BEST1: variants seen among roughly 807,000 people sequenced by gnomAD.
BEST1 encodes the protein bestrophin 1, also known as bestrophin-1.
In BEST1, 58 loss-of-function variants were observed where a neutral mutation model predicts 63.3. The ratio of observed to expected loss-of-function variants is 0.92; its 90% confidence interval spans 0.74 to 1.14. BEST1 has a LOEUF of 1.14. Ranked by LOEUF, BEST1 falls within the 50% of genes most tolerant of loss-of-function variation. The pLI is 0.00. For missense variants in BEST1, 671 were observed against 740.1 expected, an observed-to-expected ratio of 0.91 and a Z score of 1.08; for synonymous variants, 283 against 291.6, an observed-to-expected ratio of 0.97 and a Z score of 0.30.
At chr11:61,959,616 C>G (rs1297943826) in intron 8 of BEST1, 38 bp downstream of exon 8, 2 of 1,608,642 alleles carry the variant, frequency 1.2e-6, no homozygotes, top group African/African-American at 2.7e-5. Flanking sequence ...CATGGACCTT[C>G]CCCAAAGTGG....
chr11:61,965,320 G>A (rs375217149), downstream of BEST1: 9 of 1,610,710 alleles, frequency 5.6e-6, no homozygotes, highest in Middle Eastern at 2.0e-4. Flanking sequence ...TCTGATACCC[G>A]AACACTGCCA....
chr11:61,951,691 A>C (rs1041683933), intron 1 of BEST1, 80 bp from the exon 2 acceptor site: 8 of 1,434,886 alleles, frequency 5.6e-6, no homozygotes, highest in South Asian at 1.2e-5. Flanking sequence ...GTTGAGGTCC[A>C]GAGCAGGGAA....
chr11:61,949,987 T>A (rs937719285), upstream of BEST1: 1 of 152,572 alleles, frequency 6.6e-6, no homozygotes, highest in East Asian at 1.9e-4. Flanking sequence ...CAGAGGCTCC[T>A]CCTTCCTGGA....
At chr11:61,956,188 A>G (rs1941332679) in intron 4 of BEST1, among the ~76,000 whole-genome samples, 1 of 152,010 alleles carries the variant, frequency 6.6e-6, no homozygotes, top group Non-Finnish European at 1.5e-5. Context: ...GGCAGGGCTA[A>G]GGACCCTTGA....
At chr11:61,964,531 T>C, downstream of BEST1, 5 of 676,096 alleles carry the variant, frequency 7.4e-6, 1 homozygote, top group South Asian at 9.2e-5. Context: ...CTGGATAGAT[T>C]TCTGATTCAT....
At chr11:61,951,688 T>G (rs575323697) in intron 1 of BEST1, 83 bp from the exon 2 acceptor site, 18 of 1,409,364 alleles carry the variant, frequency 1.3e-5, no homozygotes, top group African/African-American at 2.8e-5. Context: ...AGAGTTGAGG[T>G]CCAGAGCAGG....
intron 9 of BEST1, chr11:61,960,358 G>A: frequency 2.2e-6 from 1 of 463,878 alleles, no homozygotes; most frequent in Non-Finnish European, 3.9e-6. Context: ...CCTGGCTCTT[G>A]TCATCCAGAA....
rs771644153 is a variant in BEST1, at chr11:61,964,147, G to A, written c.*25G>A. 6.3e-5 allele frequency: 102 copies of A among 1,612,866 alleles called. No individual in the cohort carries two copies. The highest frequency in any genetic ancestry group is 3.3e-4 in the Middle Eastern group (2 of 6,080). On this transcript the variant is annotated 3_prime_UTR_variant, in exon 11 of 11. Transcript: ENST00000378043. ...ACCTGCTTCCTAATGGGGATGCTTC[G>A]CCAGCCAGGTCCTCACCTGTGTGTA... is the stretch of plus-strand genomic sequence containing the variant.
intron 3 of BEST1, 76 bp from the exon 4 acceptor site, chr11:61,955,642 C>T (rs1442453798): frequency 2.1e-6 from 3 of 1,432,848 alleles, no homozygotes; most frequent in East Asian, 2.5e-5. Context: ...GGAGCCGAGG[C>T]ATCGCCGGGC....
chr11:61,957,450 C>T lies in BEST1; in HGVS notation c.700C>T (p.Leu234=). The change falls in exon 6 of 11, where the codon CTG becomes TTG. Residue 234 remains leucine, a synonymous_variant. Transcript: ENST00000378043. ...LYAYDWISIP[L]VYTQVVTVAV... is the part of the protein sequence containing the mutation. The stretch of plus-strand genomic sequence containing the variant: ...TGCCTACGACTGGATTAGTATCCCA[C>T]TGGTGTATACACAGGTGAGGACTAG... The T allele has an allele frequency of 6.2e-7, 1 of 1,614,102 alleles. No individual in the cohort carries two copies. The highest frequency in any genetic ancestry group is 8.5e-7 in the Non-Finnish European group (1 of 1,179,974).
At chr11:61,963,960 T>G in intron 10 of BEST1, 144 bp from the exon 11 acceptor site, 1 of 1,492,608 alleles carries the variant, frequency 6.7e-7, no homozygotes, top group Non-Finnish European at 8.9e-7. Flanking sequence ...GCAACTGCAA[T>G]CCAGCCTGGG....
rs770176396 is a variant in BEST1 at position 61,955,681 on chromosome 11, GGCCCCTC to G, written c.248-24_248-18del. 12 of 1,527,852 alleles carry G rather than the reference GGCCCCTC, an allele frequency of 7.9e-6. No individual in the cohort carries two copies. The Admixed American group carries it at 1.2e-4, about 15-fold the overall frequency. The allele number at this position is 1,527,852 out of a possible 1,614,324, so 94.6% of individuals were successfully genotyped here. On this transcript the variant is annotated intron_variant, in intron 3 of 10. Transcript: ENST00000378043. ...GGGCCCTGGGCTCTGGCCGCAGCCTGGCCCCTCGCCCCTCGCCCCCCGCCCCTCCTGC... is the reference window on the plus strand; with the variant it reads ...GGGCCCTGGGCTCTGGCCGCAGCCTGGCCCCTCGCCCCCCGCCCCTCCTGC...
At chr11:61,964,957 CCATT>C (rs1565049165), downstream of BEST1, 4 of 1,614,066 alleles carry the variant, frequency 2.5e-6, no homozygotes, top group South Asian at 4.4e-5. Context: ...ATGATTTCCT[CCATT>C]TATTTCCTGG....
chr11:61,965,017 G>A (rs752558122), downstream of BEST1: 8 of 1,613,802 alleles, frequency 5.0e-6, no homozygotes, highest in Admixed American at 1.3e-4. Context: ...TGGCCAGTTT[G>A]TGCAGTTCCA....
intron 7 of BEST1, chr11:61,959,185 A>C (rs944255020): frequency 1.1e-5 from 5 of 436,362 alleles, no homozygotes; most frequent in Non-Finnish European, 2.1e-5. Context: ...TGCATGAATG[A>C]ATAAAATTAT....
chr11:61,965,232 G>A (rs1307713541), downstream of BEST1: 3 of 1,590,614 alleles, frequency 1.9e-6, no homozygotes, highest in Non-Finnish European at 2.6e-6. Context: ...TAGTTTAGAT[G>A]GTAAGCCTAA....
rs1380567391 is a variant in BEST1 at position 61,955,162 on chromosome 11, G to A, written c.208G>A (p.Asp70Asn). Residue 70 changes from aspartate (D) to asparagine (N), a missense_variant, in exon 3 of 11, where the codon GAC becomes AAC. Transcript: ENST00000378043. ...LMFEKLTLYC[D>N]SYIQLIPISF... is the part of the protein sequence containing the mutation. ...GTTTGAGAAACTGACTCTGTATTGC[G>A]ACAGCTACATCCAGCTCATCCCCAT... 1 of 1,614,154 alleles carries A rather than the reference G, an allele frequency of 6.2e-7. No individual in the cohort carries two copies. The highest frequency in any genetic ancestry group is 8.5e-7 in the Non-Finnish European group (1 of 1,180,034).
rs368174298 is a variant in BEST1, at chr11:61,951,972, G to A, written c.152+14G>A. 3 of 1,613,048 alleles carry A rather than the reference G, an allele frequency of 1.9e-6. No homozygotes were observed. Among genetic ancestry groups the A allele is most frequent in the Non-Finnish European group, 2.5e-6 (3 of 1,179,868 alleles). ...CTTTATTTATAGGTAAAGCTGGCAG[G>A]GCTGGGCCGGGGGGCCTGGGAAGGA... On this transcript the variant is annotated intron_variant, in intron 2 of 10. Coordinates refer to ENST00000378043, the MANE Select transcript of BEST1 (RefSeq NM_004183.4).
chr11:61,958,066 C>A, intron 6 of BEST1, 80 bp from the exon 7 acceptor site: 1 of 1,607,860 alleles, frequency 6.2e-7, no homozygotes. Context: ...TCTCCTGTCT[C>A]AGACTCCCAG....
Sources: gnomAD v4.1 joint callset for allele counts (sites outside exome capture counted in the v4.1 genomes callset) on GRCh38, gnomAD v4.1.1 for gene constraint, MANE v1.5 for transcripts, NCBI Gene and HGNC (gene_info 2026-07-23, HGNC 2026-07-21) for gene names.